Variants in PCMTD1 observed in about 807,000 individuals in gnomAD.
PCMTD1 encodes the protein protein-L-isoaspartate (D-aspartate) O-methyltransferase domain containing 1.
A neutral mutation model predicts 37.6 loss-of-function variants in PCMTD1; 12 were observed. The ratio of observed to expected loss-of-function variants is 0.32; its 90% confidence interval spans 0.20 to 0.52. The LOEUF is 0.52. PCMTD1 is among the 20% of genes least tolerant of loss of function. The pLI is 0.97. For missense variants in PCMTD1, 235 were observed against 421.3 expected (o/e 0.56, Z 3.87); for synonymous variants, 117 against 135.8 (o/e 0.86, Z 0.96).
intron 3 of PCMTD1, among the ~76,000 whole-genome samples, chr8:51,838,114 T>C (rs2038093852): frequency 6.6e-6 from 1 of 152,190 alleles, no homozygotes; most frequent in South Asian, 2.1e-4. Flanking sequence ...CAGCATTTCA[T>C]GTAAACAAAT....
intron 1 of PCMTD1, among the ~76,000 whole-genome samples, chr8:51,861,482 C>G (rs2038468492): frequency 6.6e-6 from 1 of 151,884 alleles, no homozygotes; most frequent in Non-Finnish European, 1.5e-5. Context: ...ACAAAGAAGT[C>G]AAGTAAGTCA....
At chr8:51,829,989 T>A (rs1252252079) in intron 5 of PCMTD1, among the ~76,000 whole-genome samples, 2 of 152,106 alleles carry the variant, frequency 1.3e-5, no homozygotes, top group Non-Finnish European at 2.9e-5. Flanking sequence ...AAAACTATGA[T>A]CTAAGTCAAA....
At chr8:51,869,426 A>C (rs1393717332) in intron 1 of PCMTD1, among the ~76,000 whole-genome samples, 1 of 152,180 alleles carries the variant, frequency 6.6e-6, no homozygotes, top group Non-Finnish European at 1.5e-5. Flanking sequence ...GTGAAATAAA[A>C]AGGCTATATT....
At chr8:51,845,589 T>C (rs188688443) in intron 3 of PCMTD1, 72 bp downstream of exon 3, 2 of 1,024,264 alleles carry the variant, frequency 2.0e-6, no homozygotes, top group East Asian at 4.9e-5. Context: ...TCAATAATAG[T>C]GTTCAAGAAT....
intron 1 of PCMTD1, among the ~76,000 whole-genome samples, chr8:51,863,578 G>A (rs2038506014): frequency 6.6e-6 from 1 of 152,198 alleles, no homozygotes; most frequent in Admixed American, 6.5e-5. Flanking sequence ...CCTGAGGCCA[G>A]GAGTTCAAGA....
chr8:51,890,503 A>T (rs1164189234), intron 1 of PCMTD1, among the ~76,000 whole-genome samples: 1 of 152,220 alleles, frequency 6.6e-6, no homozygotes, highest in African/African-American at 2.4e-5. Context: ...GGGATAAACC[A>T]TCCTTCTAAA....
intron 1 of PCMTD1, among the ~76,000 whole-genome samples, chr8:51,874,062 GC>G (rs2038678376): frequency 6.6e-6 from 1 of 151,882 alleles, no homozygotes; most frequent in Non-Finnish European, 1.5e-5. Context: ...ACCACGCCTG[GC>G]TAATTTTTTG....
chr8:51,862,066 T>G (rs1044447836), intron 1 of PCMTD1, among the ~76,000 whole-genome samples: 3 of 151,642 alleles, frequency 2.0e-5, no homozygotes, highest in Admixed American at 2.0e-4. Flanking sequence ...CAGTATAGTA[T>G]AGTATAGTAC....
chr8:51,835,369 G>A (rs2038054575), intron 3 of PCMTD1, among the ~76,000 whole-genome samples: 1 of 152,086 alleles, frequency 6.6e-6, no homozygotes, highest in Admixed American at 6.6e-5. Flanking sequence ...CACACAAAAT[G>A]TGAATTTACC....
chr8:51,869,364 T>C (rs187428857), intron 1 of PCMTD1, among the ~76,000 whole-genome samples: 17 of 152,264 alleles, frequency 1.1e-4, no homozygotes, highest in African/African-American at 3.8e-4. Context: ...GTTCCACAGA[T>C]AACTTTGCTG....
intron 3 of PCMTD1, chr8:51,845,338 GT>G (rs1183268901): frequency 4.5e-6 from 1 of 221,394 alleles, no homozygotes; most frequent in Non-Finnish European, 9.1e-6. Flanking sequence ...TATCCAAAAG[GT>G]AAAAAACCAG....
chr8:51,870,245 C>G (rs2038619362), intron 1 of PCMTD1: 1 of 152,220 alleles, frequency 6.6e-6, no homozygotes, highest in South Asian at 2.1e-4. Context: ...GAAGCTTACT[C>G]ACCAGTGATC....
intron 5 of PCMTD1, among the ~76,000 whole-genome samples, chr8:51,822,464 AG>A (rs2037862583): frequency 6.6e-6 from 1 of 152,322 alleles, no homozygotes; most frequent in Admixed American, 6.5e-5. Flanking sequence ...AGGGGAGAAC[AG>A]GTTGAGAAGA....
intron 1 of PCMTD1, among the ~76,000 whole-genome samples, chr8:51,886,527 T>C (rs1369893666): frequency 6.6e-6 from 1 of 152,120 alleles, no homozygotes; most frequent in Non-Finnish European, 1.5e-5. Context: ...ACAACTTTTA[T>C]CAATAAAGAA....
intron 1 of PCMTD1, among the ~76,000 whole-genome samples, chr8:51,862,830 C>A (rs976202224): frequency 6.6e-6 from 1 of 152,160 alleles, no homozygotes; most frequent in Non-Finnish European, 1.5e-5. Context: ...TTCATTCAAA[C>A]TCACTTATAA....
chr8:51,856,262 C>T (rs968305491), intron 2 of PCMTD1, among the ~76,000 whole-genome samples: 12 of 152,132 alleles, frequency 7.9e-5, no homozygotes, highest in Non-Finnish European at 1.5e-4. Context: ...ACATGAATAG[C>T]TGTTCCATTA....
chr8:51,891,696 G>A (rs200791334), intron 1 of PCMTD1, among the ~76,000 whole-genome samples: 4 of 142,748 alleles, frequency 2.8e-5, no homozygotes, highest in Non-Finnish European at 4.6e-5. Flanking sequence ...ACATATATAT[G>A]TATATATATA....
At chr8:51,841,010 C>A (rs538782939) in intron 3 of PCMTD1, among the ~76,000 whole-genome samples, 4 of 152,244 alleles carry the variant, frequency 2.6e-5, no homozygotes, top group Non-Finnish European at 5.9e-5. Flanking sequence ...CTTTCCTATA[C>A]AAGTTGCTAG....
At chr8:51,872,979 A>G (rs1176339018) in intron 1 of PCMTD1, among the ~76,000 whole-genome samples, 1 of 152,240 alleles carries the variant, frequency 6.6e-6, no homozygotes, top group African/African-American at 2.4e-5. Flanking sequence ...AAATCTAAGC[A>G]TATTTACTTA....
Sources: gnomAD v4.1 joint callset for allele counts (sites outside exome capture counted in the v4.1 genomes callset) on GRCh38, gnomAD v4.1.1 for gene constraint, MANE v1.5 for transcripts, NCBI Gene and HGNC (gene_info 2026-07-23, HGNC 2026-07-21) for gene names.